Variants in CDC42BPA observed in about 807,000 individuals in gnomAD.
The protein encoded by CDC42BPA is CDC42 binding protein kinase alpha.
CDC42BPA carries 80 observed loss-of-function variants against 223.5 expected under a neutral mutation model. The observed-to-expected ratio is 0.36, with a 90% CI of 0.30 to 0.43. The LOEUF (loss-of-function observed/expected upper bound fraction) is 0.43, where lower values mean the gene tolerates loss of function less well. Ranked by LOEUF, CDC42BPA falls within the 20% of genes least tolerant of loss-of-function variation. The probability of loss-of-function intolerance (pLI) is 1.00; values close to 1 mark genes in which losing one functional copy is unlikely to be tolerated. For missense variants in CDC42BPA, 1,743 were observed against 2,099.9 expected, an observed-to-expected ratio of 0.83 and a Z score of 3.32; for synonymous variants, 694 against 718.6, an observed-to-expected ratio of 0.97 and a Z score of 0.55.
At chr1:227,105,667 T>A (rs1476628598) in intron 14 of CDC42BPA, among the ~76,000 whole-genome samples, 1 of 152,180 alleles carries the variant, frequency 6.6e-6, no homozygotes, top group Non-Finnish European at 1.5e-5. Flanking sequence ...ATTTGCCTAT[T>A]CTAAATTATT....
intron 34 of CDC42BPA, among the ~76,000 whole-genome samples, chr1:227,007,838 C>T (rs557987431): frequency 6.6e-6 from 1 of 152,336 alleles, no homozygotes; most frequent in African/African-American, 2.4e-5. Flanking sequence ...AATGGTTTTA[C>T]AAGTTTCAGC....
intron 16 of CDC42BPA, among the ~76,000 whole-genome samples, chr1:227,084,380 T>C (rs1572703213): frequency 1.3e-5 from 2 of 151,820 alleles, no homozygotes; most frequent in South Asian, 2.1e-4. Flanking sequence ...ATAAAAAAAT[T>C]AGATGGGTGT....
intron 34 of CDC42BPA, among the ~76,000 whole-genome samples, chr1:227,013,332 T>C (rs911212658): frequency 6.6e-6 from 1 of 152,080 alleles, no homozygotes; most frequent in African/African-American, 2.4e-5. Context: ...TTCACTTGTT[T>C]TGCTTATCAA....
At chr1:227,187,352 A>G (rs1219621223) in intron 5 of CDC42BPA, among the ~76,000 whole-genome samples, 1 of 152,184 alleles carries the variant, frequency 6.6e-6, no homozygotes, top group Non-Finnish European at 1.5e-5. Context: ...AATGCTAGAG[A>G]TCAAAAACAC....
chr1:227,008,733 G>A (rs1383166230), intron 34 of CDC42BPA, among the ~76,000 whole-genome samples: 3 of 152,160 alleles, frequency 2.0e-5, no homozygotes, highest in Non-Finnish European at 2.9e-5. Flanking sequence ...TTGAAGAATC[G>A]CACATACTGA....
At chr1:227,015,430 GA>G (rs955757995) in intron 34 of CDC42BPA, among the ~76,000 whole-genome samples, 4 of 146,928 alleles carry the variant, frequency 2.7e-5, no homozygotes, top group African/African-American at 9.9e-5. Flanking sequence ...CTCAAAAAAA[GA>G]AAAAAAAGAA....
At chr1:227,191,419 G>C (rs1210465900) in intron 5 of CDC42BPA, among the ~76,000 whole-genome samples, 1 of 151,878 alleles carries the variant, frequency 6.6e-6, no homozygotes, top group Admixed American at 6.6e-5. Context: ...CCCAACAATG[G>C]AATAAATACG....
chr1:227,053,240 T>C (rs1226528411), intron 21 of CDC42BPA, among the ~76,000 whole-genome samples: 1 of 152,192 alleles, frequency 6.6e-6, no homozygotes, highest in Non-Finnish European at 1.5e-5. Flanking sequence ...TTAAAACATC[T>C]GGCAAGTGTA....
chr1:227,168,597 G>C (rs1203811058), intron 5 of CDC42BPA, among the ~76,000 whole-genome samples: 1 of 145,746 alleles, frequency 6.9e-6, no homozygotes, highest in Non-Finnish European at 1.5e-5. Context: ...CTGGGTTCAC[G>C]CCATTCTCCT....
At chr1:227,021,259 C>T (rs1174246972) in intron 32 of CDC42BPA, among the ~76,000 whole-genome samples, 1 of 152,044 alleles carries the variant, frequency 6.6e-6, no homozygotes, top group Non-Finnish European at 1.5e-5. Flanking sequence ...GCAGGGTTAC[C>T]ATAAACCTGC....
At chr1:227,026,607 T>C (rs1312777497) in intron 30 of CDC42BPA, among the ~76,000 whole-genome samples, 1 of 152,228 alleles carries the variant, frequency 6.6e-6, no homozygotes, top group East Asian at 1.9e-4. Context: ...CAATATACAC[T>C]TGTTGAAAGA....
intron 2 of CDC42BPA, among the ~76,000 whole-genome samples, chr1:227,238,157 A>C (rs2148071803): frequency 6.6e-6 from 1 of 151,720 alleles, no homozygotes; most frequent in African/African-American, 2.4e-5. Context: ...GTTCAAGACC[A>C]GCCTGGGCAA....
At chr1:227,304,133 G>A (rs970282311) in intron 1 of CDC42BPA, among the ~76,000 whole-genome samples, 3 of 152,112 alleles carry the variant, frequency 2.0e-5, no homozygotes, top group Admixed American at 6.5e-5. Context: ...ATGTGGTGGC[G>A]CCTGTAATCA....
intron 12 of CDC42BPA, among the ~76,000 whole-genome samples, chr1:227,116,424 A>C (rs1687786863): frequency 6.6e-6 from 1 of 152,184 alleles, no homozygotes; most frequent in African/African-American, 2.4e-5. Flanking sequence ...ACCTGATAAA[A>C]ATTATTTATT....
intron 1 of CDC42BPA, among the ~76,000 whole-genome samples, chr1:227,309,093 G>A (rs181209596): frequency 1.1e-4 from 16 of 151,804 alleles, no homozygotes; most frequent in African/African-American, 3.6e-4. Context: ...GGCCAGGTGC[G>A]GCTGCTCACA....
At chr1:227,222,283 CG>C (rs1676060573) in intron 2 of CDC42BPA, among the ~76,000 whole-genome samples, 1 of 151,594 alleles carries the variant, frequency 6.6e-6, no homozygotes, top group African/African-American at 2.4e-5. Flanking sequence ...CCAAGGAAGG[CG>C]GATCACTTAA....
In CDC42BPA at chr1:226,992,945, C is replaced by T. The variant is rs980952576; in HGVS notation, c.*1323G>A. On this transcript the variant is annotated 3_prime_UTR_variant, in exon 37 of 37. Transcript: ENST00000366766. ...GGGCTCACTCACTCTGGCCTGCGCA[C>T]TGGGGTTGTCACATCCATTTTCCAC... 1 of 152,254 alleles carries T rather than the reference C, an allele frequency of 6.6e-6. No individual in the cohort carries two copies. The highest frequency in any genetic ancestry group is 1.5e-5 in the Non-Finnish European group (1 of 68,052). 9.4% of individuals were successfully genotyped at this position (152,254 alleles called of 1,614,324 possible).
At chr1:227,075,398 T>TTA (rs935023489) in intron 17 of CDC42BPA, among the ~76,000 whole-genome samples, 4 of 152,122 alleles carry the variant, frequency 2.6e-5, no homozygotes, top group African/African-American at 9.7e-5. Context: ...GGAGTCAAAT[T>TTA]TATATATATC....
chr1:227,098,548 G>A (rs924994580), intron 15 of CDC42BPA, among the ~76,000 whole-genome samples: 4 of 151,990 alleles, frequency 2.6e-5, no homozygotes, highest in East Asian at 1.9e-4. Context: ...TCCTGTAGTC[G>A]TCCTTTCTAG....
Sources: allele counts gnomAD v4.1 joint callset (sites outside exome capture counted in the v4.1 genomes callset), GRCh38; gene constraint gnomAD v4.1.1; transcripts MANE v1.5; gene names NCBI Gene and HGNC (gene_info 2026-07-23, HGNC 2026-07-21).